RAD51B: variants seen among roughly 807,000 people sequenced by gnomAD.
The protein encoded by RAD51B is RAD51 paralog B.
A neutral mutation model predicts 42.2 loss-of-function variants in RAD51B; 38 were observed. The ratio of observed to expected loss-of-function variants is 0.90; its 90% CI spans 0.70 to 1.18. The LOEUF (loss-of-function observed/expected upper bound fraction) is 1.18. Ranked by LOEUF, RAD51B falls within the 50% of genes most tolerant of loss-of-function variation. The pLI is 0.00. For missense variants in RAD51B, 373 were observed against 400.7 expected (o/e 0.93, Z 0.59); for synonymous variants, 154 against 145.2 (o/e 1.06, Z -0.43).
chr14:68,572,404 T>C (rs373656053), intron 10 of RAD51B, among the ~76,000 whole-genome samples: 2 of 152,214 alleles, frequency 1.3e-5, no homozygotes, highest in East Asian at 1.9e-4. Flanking sequence ...TAAACCTGCT[T>C]TTTAAGGAGC....
intron 7 of RAD51B, among the ~76,000 whole-genome samples, chr14:68,154,931 A>G (rs1171637239): frequency 5.3e-5 from 8 of 152,198 alleles, no homozygotes; most frequent in African/African-American, 1.9e-4. Context: ...TGAAAGATCC[A>G]TGACATTTCA....
intron 10 of RAD51B, among the ~76,000 whole-genome samples, chr14:68,558,692 T>G (rs1441746036): frequency 6.6e-6 from 1 of 152,154 alleles, no homozygotes; most frequent in African/African-American, 2.4e-5. Flanking sequence ...TCTCCCCTCT[T>G]CTTATAAGGA....
intron 7 of RAD51B, among the ~76,000 whole-genome samples, chr14:68,255,746 A>T (rs556661058): frequency 2.0e-5 from 3 of 152,286 alleles, no homozygotes; most frequent in African/African-American, 7.2e-5. Context: ...ATGCCTATTT[A>T]TACAATGTGT....
At chr14:68,064,903 T>C (rs745947336) in intron 7 of RAD51B, among the ~76,000 whole-genome samples, 7 of 152,188 alleles carry the variant, frequency 4.6e-5, no homozygotes, top group Non-Finnish European at 1.0e-4. Context: ...TGTCTATTTG[T>C]ATTATTTTGT....
At chr14:68,003,025 C>A (rs1335558639) in intron 7 of RAD51B, among the ~76,000 whole-genome samples, 1 of 151,984 alleles carries the variant, frequency 6.6e-6, no homozygotes, top group Non-Finnish European at 1.5e-5. Flanking sequence ...TTTTTTGGTT[C>A]CATATGAATT....
intron 7 of RAD51B, among the ~76,000 whole-genome samples, chr14:68,289,014 T>C (rs1034726908): frequency 1.3e-5 from 2 of 152,224 alleles, no homozygotes; most frequent in Admixed American, 6.5e-5. Context: ...TTTTTCTTAC[T>C]AAGATTTTTA....
rs577334016 is a variant in RAD51B at position 68,025,832 on chromosome 14, C to T, written c.756+138628C>T. Among the ~76,000 whole-genome samples, 4 of 152,022 alleles carry T rather than the reference C, an allele frequency of 2.6e-5. No homozygotes were observed. The South Asian group carries it at 6.2e-4, about 24-fold the overall frequency. ...AGAACCAGCTGTTGGTTTTATTGAT[C>T]TTTCGTATGGATTTTTATGTCTCAA... On this transcript the variant is annotated intron_variant, in intron 7 of 10. Transcript: ENST00000471583.
chr14:68,354,516 A>G (rs1419041651), intron 8 of RAD51B, among the ~76,000 whole-genome samples: 4 of 151,596 alleles, frequency 2.6e-5, no homozygotes, highest in Non-Finnish European at 4.4e-5. Flanking sequence ...CCTGGCCCCA[A>G]TAATGTTTTA....
intron 7 of RAD51B, among the ~76,000 whole-genome samples, chr14:68,004,863 T>C (rs2075554009): frequency 6.6e-6 from 1 of 152,052 alleles, no homozygotes; most frequent in African/African-American, 2.4e-5. Context: ...TTATACAGAA[T>C]GCTTTTTTTT....
At chr14:68,439,467 A>G (rs986777201) in intron 9 of RAD51B, among the ~76,000 whole-genome samples, 2 of 150,218 alleles carry the variant, frequency 1.3e-5, no homozygotes, top group Admixed American at 6.7e-5. Context: ...CTCTTGAACT[A>G]CCAGGATATG....
chr14:68,131,682 C>T (rs747550331), intron 7 of RAD51B, among the ~76,000 whole-genome samples: 15 of 152,150 alleles, frequency 9.9e-5, no homozygotes, highest in African/African-American at 1.7e-4. Context: ...GGTGACAAAG[C>T]GAAACTCTAT....
rs1185062701 is a variant in RAD51B, at chr14:68,071,641, A to G, written c.756+184437A>G. Among the ~76,000 whole-genome samples the G allele has an allele frequency of 5.3e-5, 8 of 152,042 alleles. No homozygotes were observed. In the East Asian group the frequency reaches 1.3e-3, roughly 26 times the overall value. On this transcript the variant is annotated intron_variant, in intron 7 of 10. Coordinates refer to ENST00000471583, the MANE Select transcript of RAD51B (RefSeq NM_133510.4). ...TTGTGATGGATTAGCTTTTTGAGGG[A>G]TGTGCTGCTGGATTGAGTTTACTAG...
rs2043337043 is a variant in RAD51B, at chr14:67,894,384, C to T, written c.756+7180C>T. Among the ~76,000 whole-genome samples the T allele has an allele frequency of 3.3e-5, 5 of 152,272 alleles. No homozygotes were observed. The South Asian group carries it at 1.0e-3, about 32-fold the overall frequency. On this transcript the variant is annotated intron_variant, in intron 7 of 10. Transcript: ENST00000471583. ...TGTTACTGCCTGAACCCTCCTTTAT[C>T]TGGTTAACTTACACTTATTTTTTGG...
rs1860315678 is a variant in RAD51B, at chr14:68,594,807, AT to A, written c.*205del. On this transcript the variant is annotated 3_prime_UTR_variant, in exon 11 of 11. Coordinates refer to the RAD51B transcript ENST00000487270. ...GGCCACAAGAATGAGAAAGGGGGCA[AT>A]GGAGTGACAGGTGACCTGCTCAGGT... 9.7e-6 allele frequency: 12 copies of A among 1,235,474 alleles called. No individual in the cohort carries two copies. The East Asian group carries it at 4.3e-4, about 44-fold the overall frequency. 76.5% of individuals were successfully genotyped at this position (1,235,474 alleles called of 1,614,324 possible). A position where few individuals can be genotyped will look rare whatever the true frequency, so the allele number is the denominator to read the frequency against.
intron 8 of RAD51B, among the ~76,000 whole-genome samples, chr14:68,300,719 A>T (rs1213303842): frequency 4.6e-5 from 7 of 152,186 alleles, no homozygotes; most frequent in African/African-American, 1.7e-4. Flanking sequence ...TTTATCCAGA[A>T]TCCACTCGCT....
chr14:68,010,368 A>G (rs2075663632), intron 7 of RAD51B, among the ~76,000 whole-genome samples: 1 of 151,912 alleles, frequency 6.6e-6, no homozygotes, highest in Non-Finnish European at 1.5e-5. Context: ...TACGTGATTT[A>G]GTCCACAGAT....
chr14:68,554,157 G>C (rs1038731097), intron 10 of RAD51B, among the ~76,000 whole-genome samples: 1 of 152,154 alleles, frequency 6.6e-6, no homozygotes, highest in Non-Finnish European at 1.5e-5. Flanking sequence ...GTAGAGTCAG[G>C]CTCCAGACCA....
chr14:68,395,539 G>A (rs2083891412), intron 8 of RAD51B, among the ~76,000 whole-genome samples: 1 of 152,176 alleles, frequency 6.6e-6, no homozygotes, highest in South Asian at 2.1e-4. Context: ...TCAGTTTAAG[G>A]AAATTTTTAT....
At chr14:68,093,060 A>G (rs905924995) in intron 7 of RAD51B, among the ~76,000 whole-genome samples, 1 of 149,706 alleles carries the variant, frequency 6.7e-6, no homozygotes, top group African/African-American at 2.5e-5. Flanking sequence ...CCACTTGATC[A>G]TGGTGGATAA....
Sources: allele counts gnomAD v4.1 joint callset (sites outside exome capture counted in the v4.1 genomes callset), GRCh38; gene constraint gnomAD v4.1.1; transcripts MANE v1.5; gene names NCBI Gene and HGNC (gene_info 2026-07-23, HGNC 2026-07-21).